The following ZNF641 variants were observed in gnomAD, a reference collection of about 807,000 sequenced individuals.
ZNF641 encodes zinc finger protein 641.
ZNF641 carries 26 observed loss-of-function variants against 46.2 expected under a neutral mutation model. The observed-to-expected ratio is 0.56, with a 90% CI of 0.41 to 0.78. The LOEUF (loss-of-function observed/expected upper bound fraction) is 0.78, where lower values mean the gene tolerates loss of function less well. Among genes scored for constraint, ZNF641 ranks in the 30% least tolerant of loss-of-function variants. The pLI is 0.00. For synonymous variants in ZNF641, 163 were observed against 187.9 expected, an observed-to-expected ratio of 0.87 and a Z score of 1.09; for missense variants, 469 against 517.8, an observed-to-expected ratio of 0.91 and a Z score of 0.91.
In ZNF641 at chr12:48,350,850, C is replaced by A; in HGVS notation, c.-90G>T. ...GGGCGCCGCCTGCCCCTCCCCTCCG[C>A]CCTCCGCTTGCGTCTGGGAGCCGGC... On this transcript the variant is annotated 5_prime_UTR_variant, in exon 1 of 6. Transcript: ENST00000547026. 1 of 985,190 alleles carries A rather than the reference C, an allele frequency of 1.0e-6. No individual in the cohort carries two copies. 61.0% of individuals were successfully genotyped at this position (985,190 alleles called of 1,614,324 possible). A position where few individuals can be genotyped will look rare whatever the true frequency, so the allele number is the denominator to read the frequency against.
At chr12:48,345,501 C>A in intron 3 of ZNF641, 27 bp from the exon 4 acceptor site, 2 of 1,613,410 alleles carry the variant, frequency 1.2e-6, no homozygotes, top group Non-Finnish European at 1.7e-6. Context: ...CATCTTCTGT[C>A]AGCAGCTGTT....
At position 48,341,764 on chromosome 12, in the gene ZNF641, C is replaced by T; in HGVS notation, c.*1209G>A. 1 of 985,496 alleles carries T rather than the reference C, an allele frequency of 1.0e-6. No homozygotes were observed. 61.0% of individuals were successfully genotyped at this position (985,496 alleles called of 1,614,324 possible). A position where few individuals can be genotyped will look rare whatever the true frequency, so the allele number is the denominator to read the frequency against. The stretch of plus-strand genomic sequence containing the variant: ...AAGAAACAGCTCACCTCCCCAAAGA[C>T]TCCTCTTTCTCTGCCAGGGCAAAAG... On this transcript the variant is annotated 3_prime_UTR_variant, in exon 6 of 6. Transcript: ENST00000547026.
intron 2 of ZNF641, 79 bp downstream of exon 2, chr12:48,347,828 G>A: frequency 7.1e-7 from 1 of 1,398,790 alleles, no homozygotes; most frequent in East Asian, 2.3e-5. Context: ...ATGGCAATTT[G>A]GAGATTTTTA....
At chr12:48,336,125 A>G (rs996757881), downstream of ZNF641, among the ~76,000 whole-genome samples, 20 of 152,248 alleles carry the variant, frequency 1.3e-4, no homozygotes, top group Non-Finnish European at 2.5e-4. Flanking sequence ...AAATACCAAA[A>G]AAATAGTATT....
At chr12:48,347,226 G>C in intron 3 of ZNF641, 26 bp downstream of exon 3, 1 of 1,613,754 alleles carries the variant, frequency 6.2e-7, no homozygotes, top group Non-Finnish European at 8.5e-7. Context: ...GGGACCACAG[G>C]AGACGCCAAG....
chr12:48,343,774 A>G (rs1048998017), intron 5 of ZNF641, 47 bp from the exon 6 acceptor site: 3 of 1,434,156 alleles, frequency 2.1e-6, no homozygotes, highest in African/African-American at 1.4e-5. Context: ...GTCACAAGAG[A>G]GTGCTTGAGG....
chr12:48,344,503 G>C (rs2136179840), intron 5 of ZNF641, 96 bp downstream of exon 5: 1 of 747,054 alleles, frequency 1.3e-6, no homozygotes, highest in East Asian at 2.7e-5. Context: ...TTTTGTCTCT[G>C]GAACTCTCTG....
At position 48,342,570 on chromosome 12, in the gene ZNF641, A is replaced by G; in HGVS notation, c.*403T>C. The G allele has an allele frequency of 2.2e-6, 1 of 461,286 alleles. No homozygotes were observed. Among genetic ancestry groups the G allele is most frequent in the East Asian group, 1.4e-4 (1 of 7,072 alleles). The allele number at this position is 461,286 out of a possible 1,614,324, so 28.6% of individuals were successfully genotyped here. The stretch of plus-strand genomic sequence containing the variant: ...TTTTCAGAGCCTTTAATATTCTAAA[A>G]TGGCCTTTCTGTCTATATATAGAGA... On this transcript the variant is annotated 3_prime_UTR_variant, in exon 6 of 6. Transcript: ENST00000547026.
chr12:48,350,865 T>C lies in ZNF641; in HGVS notation c.-105A>G. 2 of 984,826 alleles carry C rather than the reference T, an allele frequency of 2.0e-6. No homozygotes were observed. 61.0% of individuals were successfully genotyped at this position (984,826 alleles called of 1,614,324 possible). On this transcript the variant is annotated 5_prime_UTR_variant, in exon 1 of 6. Transcript: ENST00000547026. Reference sequence around the variant, plus strand: ...CTCCCCTCCGCCCTCCGCTTGCGTCTGGGAGCCGGCGGCCGGCGGAGCCAG... The same window carrying C: ...CTCCCCTCCGCCCTCCGCTTGCGTCCGGGAGCCGGCGGCCGGCGGAGCCAG...
Position 48,343,131 on chromosome 12 carries a change from G to C in ZNF641, c.1117C>G (p.Leu373Val), listed in dbSNP as rs960187515. ...GTGTGGGTCAGCCAGTGTCTCACAA[G>C]GTGGTGCCTTCGGCCAAAGCTCTTC... is the stretch of plus-strand genomic sequence containing the variant. ...CGKSFGRRHHLVRHWLTHTGE... is the reference protein window; with the variant it reads ...CGKSFGRRHHVVRHWLTHTGE... The change falls in exon 6 of 6, where the codon CTT becomes GTT. Residue 373 changes from leucine to valine, a missense_variant. This residue lies in a region of ZNF641 where 346 missense variants were observed against 354.0 expected (regional missense o/e 0.98). Coordinates refer to ENST00000547026, the MANE Select transcript of ZNF641 (RefSeq NM_001172681.2). The C allele has an allele frequency of 6.2e-7, 1 of 1,614,238 alleles. No individual in the cohort carries two copies. Among genetic ancestry groups the C allele is most frequent in the Non-Finnish European group, 8.5e-7 (1 of 1,180,044 alleles).
Position 48,341,121 on chromosome 12 carries a change from T to G in ZNF641, c.*1852A>C, listed in dbSNP as rs1201827134. 1 of 985,354 alleles carries G rather than the reference T, an allele frequency of 1.0e-6. No homozygotes were observed. Among genetic ancestry groups the G allele is most frequent in the Non-Finnish European group, 1.2e-6 (1 of 829,956 alleles). 61.0% of individuals were successfully genotyped at this position (985,354 alleles called of 1,614,324 possible). On this transcript the variant is annotated 3_prime_UTR_variant, in exon 6 of 6. Coordinates refer to ENST00000547026, the MANE Select transcript of ZNF641 (RefSeq NM_001172681.2). ...AAATAAGTCTATCTTCAATTCTAGT[T>G]GAGTCCAGGACTCTGAGGAGCTGTG...
chr12:48,341,085 C>G lies in ZNF641; in HGVS notation c.*1888G>C. The G allele has an allele frequency of 1.0e-6, 1 of 985,438 alleles. No individual in the cohort carries two copies. The highest frequency in any genetic ancestry group is 1.7e-5 in the African/African-American group (1 of 57,350). 61.0% of individuals were successfully genotyped at this position (985,438 alleles called of 1,614,324 possible). On this transcript the variant is annotated 3_prime_UTR_variant, in exon 6 of 6. Transcript: ENST00000547026. ...TTCAAGTCACATAAACTCTAAGAAG[C>G]CCAGTCAGCAAAATAAGTCTATCTT... is the stretch of plus-strand genomic sequence containing the variant.
downstream of ZNF641, among the ~76,000 whole-genome samples, chr12:48,336,965 G>C (rs1234002239): frequency 6.6e-6 from 1 of 152,220 alleles, no homozygotes; most frequent in Non-Finnish European, 1.5e-5. Context: ...TGAGTGTCTG[G>C]CTGACTCAGG....
chr12:48,350,894 C>CA lies in ZNF641; in HGVS notation c.-135dup. The CA allele has an allele frequency of 1.0e-6, 1 of 984,050 alleles. No individual in the cohort carries two copies. 61.0% of individuals were successfully genotyped at this position (984,050 alleles called of 1,614,324 possible). On this transcript the variant is annotated 5_prime_UTR_variant, in exon 1 of 6. Coordinates refer to ENST00000547026, the MANE Select transcript of ZNF641 (RefSeq NM_001172681.2). ...AGCCGGCGGCCGGCGGAGCCAGCGACAGGCGGAGACGGCGGCCCGGCAGGC... is the reference window on the plus strand; with the variant it reads ...AGCCGGCGGCCGGCGGAGCCAGCGACAAGGCGGAGACGGCGGCCCGGCAGGC...
In ZNF641 at chr12:48,337,910, AAAC is replaced by A. The variant is rs1448431839; in HGVS notation, c.*5060_*5062del. 20 of 152,228 alleles carry A rather than the reference AAAC, an allele frequency of 1.3e-4. No individual in the cohort carries two copies. Among genetic ancestry groups the A allele is most frequent in the African/African-American group, 4.8e-4 (20 of 41,424 alleles). 9.4% of individuals were successfully genotyped at this position (152,228 alleles called of 1,614,324 possible). ...TAAATTAAAAATGGTGAAAAGTGGA[AAAC>A]AACTTTGGAAGTTACCTGATTGGAA... On this transcript the variant is annotated 3_prime_UTR_variant, in exon 6 of 6. Coordinates refer to ENST00000547026, the MANE Select transcript of ZNF641 (RefSeq NM_001172681.2).
chr12:48,342,121 G>A lies in ZNF641; in HGVS notation c.*852C>T. The A allele has an allele frequency of 1.0e-6, 1 of 985,130 alleles. No homozygotes were observed. The highest frequency in any genetic ancestry group is 1.2e-6 in the Non-Finnish European group (1 of 829,854). The allele number at this position is 985,130 out of a possible 1,614,324, so 61.0% of individuals were successfully genotyped here. A position where few individuals can be genotyped will look rare whatever the true frequency, so the allele number is the denominator to read the frequency against. ...TGTTCAAGGGGATAAAGTTTTTTTT[G>A]TTTTTCTGTTTTTCTGTGTGGGCCA... On this transcript the variant is annotated 3_prime_UTR_variant, in exon 6 of 6. Coordinates refer to ENST00000547026, the MANE Select transcript of ZNF641 (RefSeq NM_001172681.2).
At chr12:48,343,920 G>A (rs571139126) in intron 5 of ZNF641, among the ~76,000 whole-genome samples, 193 bp from the exon 6 acceptor site, 43 of 152,242 alleles carry the variant, frequency 2.8e-4, no homozygotes, top group Non-Finnish European at 5.0e-4. Context: ...TTAGGAGGCA[G>A]ATTACCTAAG....
In ZNF641 at chr12:48,339,998, G is replaced by T; in HGVS notation, c.*2975C>A. ...AAAAATGTGACAGGTTCCTGAAGAT[G>T]ATATCCCTGTTTTACATTTTGCCCA... On this transcript the variant is annotated 3_prime_UTR_variant, in exon 6 of 6. Transcript: ENST00000547026. 1.0e-6 allele frequency: 1 copy of T among 985,388 alleles called. No individual in the cohort carries two copies. Among genetic ancestry groups the T allele is most frequent in the Non-Finnish European group, 1.2e-6 (1 of 829,922 alleles). 61.0% of individuals were successfully genotyped at this position (985,388 alleles called of 1,614,324 possible). A position where few individuals can be genotyped will look rare whatever the true frequency, so the allele number is the denominator to read the frequency against.
chr12:48,343,514 G>A lies in ZNF641; in HGVS notation c.734C>T (p.Ser245Phe), dbSNP rs1167396208. 1 of 1,612,756 alleles carries A rather than the reference G, an allele frequency of 6.2e-7. No homozygotes were observed. Among genetic ancestry groups the A allele is most frequent in the Non-Finnish European group, 8.5e-7 (1 of 1,179,060 alleles). ...SNLLCSTEMD[S>F]LLRPHTCPQC... ...GGGGCATGTGTGGGGTCTTAACAGGGAATCCATCTCTGTGCTACACAGCAG... is the reference window on the plus strand; with the variant it reads ...GGGGCATGTGTGGGGTCTTAACAGGAAATCCATCTCTGTGCTACACAGCAG... Residue 245 changes from serine (S) to phenylalanine (F), a missense_variant, in exon 6 of 6, where the codon TCC becomes TTC. Transcript: ENST00000547026.
Sources: allele counts gnomAD v4.1 joint callset (sites outside exome capture counted in the v4.1 genomes callset), GRCh38; gene constraint gnomAD v4.1.1; regional missense constraint gnomAD v4.1.1; transcripts MANE v1.5; gene names NCBI Gene and HGNC (gene_info 2026-07-23, HGNC 2026-07-21).